The following THADA variants were observed in gnomAD, a reference collection of about 807,000 sequenced individuals.
THADA encodes the protein THADA armadillo repeat containing.
THADA carries 213 observed loss-of-function variants against 219.8 expected under a neutral mutation model. That is an observed-to-expected ratio of 0.97 (90% confidence interval 0.87 to 1.09). The LOEUF is 1.09. Among genes scored for constraint, THADA ranks in the 50% least tolerant of loss-of-function variants. The pLI is 0.00. For synonymous variants in THADA, 1,018 were observed against 828.9 expected (o/e 1.23, Z -3.92); for missense variants, 2,956 against 2,311.3 (o/e 1.28, Z -5.72).
Position 43,293,098 on chromosome 2 carries a change from G to C in THADA, c.4554C>G (p.Ser1518Arg). The part of the protein sequence containing the change: ...KVPGLPQYLQ[S>R]LTRLAIAAVW... Reference sequence around the variant, plus strand: ...CTGCAGCAATGGCTAGTCTGGTGAGGCTCTGGAGGTACTGGGGCAGGCCTG... The same window carrying C: ...CTGCAGCAATGGCTAGTCTGGTGAGCCTCTGGAGGTACTGGGGCAGGCCTG... Residue 1518 changes from serine to arginine, a missense_variant, in exon 32 of 38, where the codon AGC (serine) becomes AGG (arginine). Physicochemically the swap from Ser to Arg is moderately radical, Grantham distance 110 (BLOSUM62 -1). Coordinates refer to ENST00000405975, the MANE Select transcript of THADA (RefSeq NM_022065.5). 6.2e-7 allele frequency: 1 copy of C among 1,613,998 alleles called. No homozygotes were observed. Among genetic ancestry groups the C allele is most frequent in the Non-Finnish European group, 8.5e-7 (1 of 1,179,890 alleles).
intron 26 of THADA, chr2:43,462,975 T>A (rs1683811629): frequency 6.6e-6 from 1 of 152,124 alleles, no homozygotes; most frequent in Non-Finnish European, 1.5e-5. Context: ...AGCTGCAACA[T>A]CTCAGCAATT....
At chr2:43,400,664 G>C (rs1674725474) in intron 28 of THADA, among the ~76,000 whole-genome samples, 1 of 151,866 alleles carries the variant, frequency 6.6e-6, no homozygotes, top group Non-Finnish European at 1.5e-5. Flanking sequence ...ACCTCTCTGA[G>C]TCTCAGTACA....
chr2:43,335,127 G>A (rs891765138), intron 30 of THADA, among the ~76,000 whole-genome samples: 8 of 152,186 alleles, frequency 5.3e-5, no homozygotes, highest in African/African-American at 1.7e-4. Flanking sequence ...GAGGATCTCA[G>A]GCTCCACCCA....
At chr2:43,428,293 C>T in intron 27 of THADA, 62 bp from the exon 28 acceptor site, 2 of 1,469,564 alleles carry the variant, frequency 1.4e-6, no homozygotes, top group Non-Finnish European at 9.2e-7. Context: ...ACTCCTCCTT[C>T]AAACATTTTT....
chr2:43,542,260 A>G (rs1047218849), intron 20 of THADA, among the ~76,000 whole-genome samples: 2 of 152,220 alleles, frequency 1.3e-5, no homozygotes, highest in African/African-American at 4.8e-5. Flanking sequence ...ACATAAACAT[A>G]TAAAATAAGT....
chr2:43,238,009 C>T (rs1408219510), intron 36 of THADA, among the ~76,000 whole-genome samples: 1 of 148,254 alleles, frequency 6.7e-6, no homozygotes, highest in Non-Finnish European at 1.5e-5. Context: ...GTCCCAGCTA[C>T]TTGGGAGGCT....
Position 43,508,711 on chromosome 2 carries a change from G to A in THADA, c.3444C>T (p.Cys1148=). Residue 1148 remains cysteine (C), a synonymous_variant, in exon 23 of 38, where the codon TGC becomes TGT. Coordinates refer to ENST00000405975, the MANE Select transcript of THADA (RefSeq NM_022065.5). ...WLWSVLEEIK[C]SDPSSKLCAT... is the part of the protein sequence containing the mutation. ...CACAGAGTTTAGATGAAGGATCACTGCATTTAATTTCCTCTAAAACACTCC... is the reference window on the plus strand; with the variant it reads ...CACAGAGTTTAGATGAAGGATCACTACATTTAATTTCCTCTAAAACACTCC... 3.1e-6 allele frequency: 5 copies of A among 1,613,654 alleles called. No homozygotes were observed. Among genetic ancestry groups the A allele is most frequent in the Non-Finnish European group, 4.2e-6 (5 of 1,179,650 alleles).
intron 26 of THADA, among the ~76,000 whole-genome samples, chr2:43,440,276 T>C (rs573804802): frequency 1.3e-5 from 2 of 152,342 alleles, no homozygotes; most frequent in East Asian, 3.8e-4. Context: ...ACTGATCTAT[T>C]TTCTTCCATT....
At chr2:43,386,235 A>G (rs1178577392) in intron 29 of THADA, among the ~76,000 whole-genome samples, 1 of 152,224 alleles carries the variant, frequency 6.6e-6, no homozygotes, top group Non-Finnish European at 1.5e-5. Context: ...ACCTCAATTA[A>G]TAATCCCATT....
intron 17 of THADA, 128 bp from the exon 18 acceptor site, chr2:43,552,467 A>G: frequency 9.7e-7 from 1 of 1,032,466 alleles, no homozygotes; most frequent in Admixed American, 3.2e-5. Context: ...TTTTAATCAA[A>G]AAGAGATCTT....
At chr2:43,425,446 A>ATGTGTATGTGTG (rs1553437837) in intron 28 of THADA, among the ~76,000 whole-genome samples, 3 of 140,410 alleles carry the variant, frequency 2.1e-5, no homozygotes, top group African/African-American at 8.1e-5. Context: ...TTAAAATTGT[A>ATGTGTATGTGTG]TGTGTGTGTG....
At chr2:43,439,803 T>A (rs1370765892) in intron 26 of THADA, among the ~76,000 whole-genome samples, 1 of 152,188 alleles carries the variant, frequency 6.6e-6, no homozygotes, top group Non-Finnish European at 1.5e-5. Flanking sequence ...AAGACTACTG[T>A]AATGTTCTAT....
chr2:43,250,600 C>T (rs1669714508), intron 36 of THADA, among the ~76,000 whole-genome samples: 2 of 152,130 alleles, frequency 1.3e-5, no homozygotes, highest in African/African-American at 4.8e-5. Context: ...CATGGTGGCT[C>T]ACACCCGTAA....
chr2:43,456,461 T>C lies in THADA; in HGVS notation c.3837-26159A>G, dbSNP rs541541696. Among the ~76,000 whole-genome samples the C allele has an allele frequency of 4.5e-4, 69 of 152,214 alleles. 2 individuals carry two copies. The South Asian group carries it at 7.3e-3, about 16-fold the overall frequency. On this transcript the variant is annotated intron_variant, in intron 26 of 37. Transcript: ENST00000405975. ...ATGCAAAGTAGAGAAAGAGCAAAGG[T>C]CTAGAACCAGCCTGACCAGAGGAAT... is the stretch of plus-strand genomic sequence containing the variant.
chr2:43,451,558 G>T (rs1682340739), intron 26 of THADA, among the ~76,000 whole-genome samples: 1 of 152,128 alleles, frequency 6.6e-6, no homozygotes, highest in African/African-American at 2.4e-5. Flanking sequence ...CCAGAATGGT[G>T]TCTAGTACAT....
intron 26 of THADA, among the ~76,000 whole-genome samples, chr2:43,472,581 C>T (rs181073337): frequency 4.2e-4 from 64 of 152,284 alleles, no homozygotes; most frequent in Middle Eastern, 6.8e-3. Flanking sequence ...AAACCGGGCA[C>T]TTGTCACTCT....
At chr2:43,396,220 G>T (rs1573446781) in intron 29 of THADA, among the ~76,000 whole-genome samples, 2 of 152,318 alleles carry the variant, frequency 1.3e-5, no homozygotes, top group African/African-American at 4.8e-5. Flanking sequence ...TACCCACTGG[G>T]AGCCTTTATG....
chr2:43,559,544 G>A (rs1697806442), intron 16 of THADA, among the ~76,000 whole-genome samples: 1 of 152,140 alleles, frequency 6.6e-6, no homozygotes, highest in African/African-American at 2.4e-5. Flanking sequence ...GTACTCTGCT[G>A]GTGACCCAAC....
chr2:43,253,576 A>G (rs935486906), intron 36 of THADA, among the ~76,000 whole-genome samples: 1 of 152,066 alleles, frequency 6.6e-6, no homozygotes, highest in Non-Finnish European at 1.5e-5. Flanking sequence ...GTTTCATGAC[A>G]ATGGAACCTC....
Sources: allele counts gnomAD v4.1 joint callset (sites outside exome capture counted in the v4.1 genomes callset), GRCh38; gene constraint gnomAD v4.1.1; transcripts MANE v1.5; gene names NCBI Gene and HGNC (gene_info 2026-07-23, HGNC 2026-07-21).